The following TFAP2B variants were observed in gnomAD, a reference collection of about 807,000 sequenced individuals.
TFAP2B encodes transcription factor AP-2 beta.
A neutral mutation model predicts 44.3 loss-of-function variants in TFAP2B; 9 were observed. The observed-to-expected ratio is 0.20, with a 90% CI of 0.12 to 0.35. The LOEUF is 0.35. Ranked by LOEUF, TFAP2B falls within the 10% of genes least tolerant of loss-of-function variation. TFAP2B has a pLI of 1.00. For missense variants in TFAP2B, 509 were observed against 600.0 expected, an observed-to-expected ratio of 0.85 and a Z score of 1.59; for synonymous variants, 270 against 263.8, an observed-to-expected ratio of 1.02 and a Z score of -0.23.
At chr6:50,827,407 CAA>C (rs1353562159) in intron 2 of TFAP2B, among the ~76,000 whole-genome samples, 1 of 152,182 alleles carries the variant, frequency 6.6e-6, no homozygotes, top group African/African-American at 2.4e-5. Context: ...TTTCTGAGAA[CAA>C]AAGAGTGACT....
rs1287605334 is a variant in TFAP2B, at chr6:50,828,645, C to T, written c.567C>T (p.Gly189=). 6.2e-7 allele frequency: 1 copy of T among 1,614,040 alleles called. No homozygotes were observed. Among genetic ancestry groups the T allele is most frequent in the Non-Finnish European group, 8.5e-7 (1 of 1,179,966 alleles). Residue 189 remains glycine (G), a synonymous_variant, in exon 3 of 7, where the codon GGC becomes GGT. Coordinates refer to ENST00000393655, the MANE Select transcript of TFAP2B (RefSeq NM_003221.4). ...CAGTTGAAGATGCCAATAACAGCGG[C>T]ATGAATCTATTGGACCAGTCTGTCA... ...VQSVEDANNS[G]MNLLDQSVIK...
rs1171172085 is a variant in TFAP2B at position 50,847,362 on chromosome 6, TAA to T, written c.*3971_*3972del. 2.6e-5 allele frequency: 4 copies of T among 152,764 alleles called. No individual in the cohort carries two copies. The East Asian group carries it at 5.8e-4, about 22-fold the overall frequency. 9.5% of individuals were successfully genotyped at this position (152,764 alleles called of 1,614,324 possible). On this transcript the variant is annotated 3_prime_UTR_variant, in exon 7 of 7. Coordinates refer to ENST00000393655, the MANE Select transcript of TFAP2B (RefSeq NM_003221.4). ...GAAGAGCTCTGGAGGGTATTCATGT[TAA>T]GTTTGTATATATTTATTTATGCTTA...
chr6:50,836,608 T>C lies in TFAP2B; in HGVS notation c.821+328T>C, dbSNP rs530743900. ...CTCTCTTCCTGTCACCCCTAGGACA[T>C]CTCAGGGGGCATTCTCCAGCCTGAG... On this transcript the variant is annotated intron_variant, in intron 4 of 6. Coordinates refer to ENST00000393655, the MANE Select transcript of TFAP2B (RefSeq NM_003221.4). Among the ~76,000 whole-genome samples, 21 of 152,258 alleles carry C rather than the reference T, an allele frequency of 1.4e-4. No individual in the cohort carries two copies. The East Asian group carries it at 4.1e-3, about 30-fold the overall frequency.
rs1179960017 is a variant in TFAP2B, at chr6:50,823,802, C to T, written c.477C>T (p.Asp159=). The T allele has an allele frequency of 3.2e-6, 5 of 1,579,136 alleles. No homozygotes were observed. In the African/African-American group the frequency reaches 4.0e-5, roughly 13 times the overall value. Residue 159 remains aspartate, a synonymous_variant, in exon 2 of 7, where the codon GAC becomes GAT. Coordinates refer to ENST00000393655, the MANE Select transcript of TFAP2B (RefSeq NM_003221.4). Reference sequence around the variant, plus strand: ...TGCATTCGGCGCACCACGGCCTGGACGCGGGCATGGGTGACAGCCTCTCGC... The same window carrying T: ...TGCATTCGGCGCACCACGGCCTGGATGCGGGCATGGGTGACAGCCTCTCGC... ...VLLHSAHHGL[D]AGMGDSLSLH...
At chr6:50,830,029 G>T (rs1352911726) in intron 3 of TFAP2B, among the ~76,000 whole-genome samples, 1 of 152,120 alleles carries the variant, frequency 6.6e-6, no homozygotes, top group African/African-American at 2.4e-5. Context: ...AGGATACCCA[G>T]GCTCGGTGCT....
At chr6:50,837,859 G>C in intron 4 of TFAP2B, 116 bp from the exon 5 acceptor site, 1 of 857,730 alleles carries the variant, frequency 1.2e-6, no homozygotes, top group Admixed American at 1.7e-5. Context: ...GGGGAAAAAT[G>C]TGCTAACCTC....
intron 3 of TFAP2B, among the ~76,000 whole-genome samples, chr6:50,830,074 T>C (rs770978823): frequency 1.3e-5 from 2 of 152,214 alleles, no homozygotes; most frequent in Non-Finnish European, 2.9e-5. Flanking sequence ...CAGCTCACTT[T>C]TCCTGTTTTC....
At chr6:50,826,751 A>T (rs1398979616) in intron 2 of TFAP2B, among the ~76,000 whole-genome samples, 1 of 152,066 alleles carries the variant, frequency 6.6e-6, no homozygotes, top group Non-Finnish European at 1.5e-5. Context: ...CTTACCTCCC[A>T]TCACCTCTAC....
At chr6:50,827,053 C>A (rs1581814335) in intron 2 of TFAP2B, among the ~76,000 whole-genome samples, 1 of 152,220 alleles carries the variant, frequency 6.6e-6, no homozygotes, top group Non-Finnish European at 1.5e-5. Flanking sequence ...TTCTCATTAA[C>A]TACCACAACT....
intron 1 of TFAP2B, 60 bp downstream of exon 1, chr6:50,819,032 G>T: frequency 1.4e-6 from 2 of 1,434,516 alleles, no homozygotes; most frequent in South Asian, 2.3e-5. Context: ...TGAGCTTCTT[G>T]ATACCCCAAA....
chr6:50,822,564 A>C (rs1439786238), intron 1 of TFAP2B, among the ~76,000 whole-genome samples: 1 of 152,118 alleles, frequency 6.6e-6, no homozygotes, highest in Non-Finnish European at 1.5e-5. Flanking sequence ...TTCACACTCC[A>C]GATAGGACCA....
At position 50,823,826 on chromosome 6, in the gene TFAP2B, G is replaced by C; in HGVS notation, c.501G>C (p.Ser167=). 6.4e-7 allele frequency: 1 copy of C among 1,568,234 alleles called. No homozygotes were observed. The change falls in exon 2 of 7, where the codon TCG becomes TCC. Residue 167 remains serine, a synonymous_variant. Coordinates refer to ENST00000393655, the MANE Select transcript of TFAP2B (RefSeq NM_003221.4). ...GLDAGMGDSL[S]LHGLGHPGME... is the part of the protein sequence containing the mutation. ...ACGCGGGCATGGGTGACAGCCTCTC[G>C]CTGCACGGCCTCGGCCATCCCGGAA...
chr6:50,838,308 C>T lies in TFAP2B; in HGVS notation c.940+215C>T, dbSNP rs185825278. On this transcript the variant is annotated intron_variant, in intron 5 of 6. Transcript: ENST00000393655. ...AGGGCAAGGGAAGTATTTGAGAGTT[C>T]CTGTGCTCTGAAAAGTGCTCAGGTC... Among the ~76,000 whole-genome samples, 561 of 152,224 alleles carry T rather than the reference C, an allele frequency of 3.7e-3. 3 individuals carry two copies. Among genetic ancestry groups the T allele is most frequent in the Middle Eastern group, 6.8e-3 (2 of 294 alleles).
chr6:50,833,896 T>A (rs902500249), intron 3 of TFAP2B, among the ~76,000 whole-genome samples: 1 of 152,224 alleles, frequency 6.6e-6, no homozygotes, highest in African/African-American at 2.4e-5. Flanking sequence ...TAAAAAAATA[T>A]TCTAAATAGT....
At chr6:50,819,862 GCGAGGTGGGAGAGGCGGC>G (rs1561956306) in intron 1 of TFAP2B, among the ~76,000 whole-genome samples, 29 of 137,026 alleles carry the variant, frequency 2.1e-4, no homozygotes, top group African/African-American at 8.2e-4. Flanking sequence ...GGAGAGGCGG[GCGAGGTGGGAGAGGCGGC>G]CGAGGCGGGC....
intron 1 of TFAP2B, 80 bp downstream of exon 1, chr6:50,819,052 T>A: frequency 1.5e-6 from 2 of 1,346,262 alleles, no homozygotes; most frequent in South Asian, 2.4e-5. Flanking sequence ...ATGATATATA[T>A]TTTTAAGCTA....
intron 1 of TFAP2B, 140 bp from the exon 2 acceptor site, chr6:50,823,267 G>T (rs1001216721): frequency 1.3e-6 from 1 of 782,260 alleles, no homozygotes; most frequent in Admixed American, 2.0e-5. Context: ...GTCCCGGGAA[G>T]AGCGTACAAA....
rs367548689 is a variant in TFAP2B at position 50,837,004 on chromosome 6, C to T, written c.821+724C>T. 9.8e-5 allele frequency among the ~76,000 whole-genome samples: 15 copies of T among 152,306 alleles called. No individual in the cohort carries two copies. The East Asian group carries it at 2.3e-3, about 24-fold the overall frequency. The stretch of plus-strand genomic sequence containing the variant: ...TGGATTTTATCTTAAGATGTAATGC[C>T]TCCCTTGAAGTCCCTGCCAATGCCT... On this transcript the variant is annotated intron_variant, in intron 4 of 6. Coordinates refer to ENST00000393655, the MANE Select transcript of TFAP2B (RefSeq NM_003221.4).
chr6:50,829,129 C>T (rs1426824102), intron 3 of TFAP2B, among the ~76,000 whole-genome samples: 5 of 152,090 alleles, frequency 3.3e-5, no homozygotes, highest in African/African-American at 1.2e-4. Context: ...TCCCAGTTCT[C>T]TATGTTTTAT....
Sources: gnomAD v4.1 joint callset for allele counts (sites outside exome capture counted in the v4.1 genomes callset) on GRCh38, gnomAD v4.1.1 for gene constraint, MANE v1.5 for transcripts, NCBI Gene and HGNC (gene_info 2026-07-23, HGNC 2026-07-21) for gene names.